GRIP1: variants seen among roughly 807,000 people sequenced by gnomAD.
GRIP1 encodes glutamate receptor-interacting protein 1.
A neutral mutation model predicts 129.9 loss-of-function variants in GRIP1; 45 were observed. The ratio of observed to expected loss-of-function variants is 0.35; its 90% CI spans 0.27 to 0.44. The LOEUF (loss-of-function observed/expected upper bound fraction) is 0.44. Among genes scored for constraint, GRIP1 ranks in the 20% least tolerant of loss-of-function variants. The pLI is 1.00. For synonymous variants in GRIP1, 530 were observed against 520.8 expected, an observed-to-expected ratio of 1.02 and a Z score of -0.24; for missense variants, 1,196 against 1,396.8, an observed-to-expected ratio of 0.86 and a Z score of 2.29.
At chr12:66,778,428 A>G (rs1282895417) in intron 1 of GRIP1, among the ~76,000 whole-genome samples, 1 of 152,168 alleles carries the variant, frequency 6.6e-6, no homozygotes, top group African/African-American at 2.4e-5. Flanking sequence ...CTACAATATT[A>G]TAGTGGAAAT....
intron 1 of GRIP1, among the ~76,000 whole-genome samples, chr12:66,703,930 C>T (rs1043277336): frequency 6.6e-6 from 1 of 151,522 alleles, no homozygotes; most frequent in Non-Finnish European, 1.5e-5. Context: ...AAATTATACA[C>T]TTAAAAATGG....
chr12:66,428,177 A>C (rs371256647), intron 14 of GRIP1, among the ~76,000 whole-genome samples: 5 of 152,146 alleles, frequency 3.3e-5, no homozygotes, highest in Admixed American at 6.5e-5. Flanking sequence ...TTTAAAAACC[A>C]CTCATCATCA....
At chr12:66,753,333 T>C (rs1002327656) in intron 1 of GRIP1, among the ~76,000 whole-genome samples, 1 of 151,980 alleles carries the variant, frequency 6.6e-6, no homozygotes, top group African/African-American at 2.4e-5. Context: ...ATGGAAGGAA[T>C]GGGGCCACTT....
chr12:66,432,408 G>A, intron 14 of GRIP1, 140 bp downstream of exon 14: 1 of 617,120 alleles, frequency 1.6e-6, no homozygotes, highest in Non-Finnish European at 2.9e-6. Flanking sequence ...TGCTGGAGGT[G>A]TGACTGACTC....
intron 1 of GRIP1, among the ~76,000 whole-genome samples, chr12:66,674,429 T>C (rs2034229122): frequency 2.0e-5 from 3 of 152,194 alleles, no homozygotes; most frequent in Non-Finnish European, 4.4e-5. Flanking sequence ...TTTTTCCTCT[T>C]CCATTAAGAC....
intron 17 of GRIP1, 74 bp from the exon 18 acceptor site, chr12:66,392,890 C>G: frequency 7.4e-7 from 1 of 1,358,562 alleles, no homozygotes; most frequent in Non-Finnish European, 1.1e-6. Flanking sequence ...CCCTGACATA[C>G]CTTATACATT....
intron 1 of GRIP1, among the ~76,000 whole-genome samples, chr12:66,854,974 G>C (rs2039978104): frequency 6.6e-6 from 1 of 151,892 alleles, no homozygotes; most frequent in South Asian, 2.1e-4. Context: ...GTCCATCTTT[G>C]TCAACATCAT....
At chr12:66,883,516 C>A (rs146353144) in intron 1 of GRIP1, among the ~76,000 whole-genome samples, 10 of 152,216 alleles carry the variant, frequency 6.6e-5, no homozygotes, top group African/African-American at 2.4e-4. Context: ...GGAAGGCTGC[C>A]CCTTCTGAGT....
intron 1 of GRIP1, among the ~76,000 whole-genome samples, chr12:66,755,506 A>G (rs1186820487): frequency 2.0e-5 from 3 of 152,246 alleles, no homozygotes; most frequent in Admixed American, 1.3e-4. Flanking sequence ...ACAAAAAAGG[A>G]TAGCAGTGTG....
intron 1 of GRIP1, among the ~76,000 whole-genome samples, chr12:67,014,448 T>C (rs1177609962): frequency 1.3e-5 from 2 of 152,010 alleles, no homozygotes; most frequent in African/African-American, 4.8e-5. Flanking sequence ...ATGTAGAAAA[T>C]GTATTTTAAA....
At chr12:66,692,400 A>G (rs2035012341) in intron 1 of GRIP1, among the ~76,000 whole-genome samples, 1 of 152,226 alleles carries the variant, frequency 6.6e-6, no homozygotes, top group Non-Finnish European at 1.5e-5. Flanking sequence ...CACTGCGTCT[A>G]CATGGCATCT....
At chr12:66,499,479 A>G (rs939669975) in intron 7 of GRIP1, among the ~76,000 whole-genome samples, 1 of 152,208 alleles carries the variant, frequency 6.6e-6, no homozygotes, top group Non-Finnish European at 1.5e-5. Context: ...CAACCAATAA[A>G]CAAATAATAT....
intron 4 of GRIP1, among the ~76,000 whole-genome samples, chr12:66,537,254 A>G (rs547041906): frequency 2.0e-5 from 3 of 152,310 alleles, no homozygotes; most frequent in Admixed American, 2.0e-4. Context: ...AAGACATAGA[A>G]AGTGTAAGTA....
At chr12:66,929,099 G>A (rs1196991820) in intron 1 of GRIP1, among the ~76,000 whole-genome samples, 3 of 152,214 alleles carry the variant, frequency 2.0e-5, no homozygotes, top group Non-Finnish European at 4.4e-5. Flanking sequence ...CTCTCCAAAT[G>A]CTTCTTCCAG....
At chr12:66,576,517 C>T (rs1473126024) in intron 2 of GRIP1, among the ~76,000 whole-genome samples, 1 of 152,216 alleles carries the variant, frequency 6.6e-6, no homozygotes, top group Non-Finnish European at 1.5e-5. Flanking sequence ...GAGCTGTGTA[C>T]ATAGCTGAAA....
At chr12:66,845,684 G>C (rs1436355313) in intron 1 of GRIP1, among the ~76,000 whole-genome samples, 1 of 152,020 alleles carries the variant, frequency 6.6e-6, no homozygotes, top group Non-Finnish European at 1.5e-5. Context: ...AATAATGTTG[G>C]ACTAATCTTT....
chr12:66,981,675 T>G (rs2042244205), intron 1 of GRIP1, among the ~76,000 whole-genome samples: 1 of 152,190 alleles, frequency 6.6e-6, no homozygotes, highest in African/African-American at 2.4e-5. Context: ...AAAGACAGTT[T>G]ATAAAGATAA....
intron 1 of GRIP1, among the ~76,000 whole-genome samples, chr12:66,721,531 T>C (rs1439998743): frequency 6.6e-6 from 1 of 152,160 alleles, no homozygotes; most frequent in African/African-American, 2.4e-5. Context: ...CACCTCAGCC[T>C]TCCAAAGTGC....
At chr12:66,823,475 G>A (rs1372013379) in intron 1 of GRIP1, among the ~76,000 whole-genome samples, 1 of 152,024 alleles carries the variant, frequency 6.6e-6, no homozygotes, top group African/African-American at 2.4e-5. Flanking sequence ...AATGATCAAT[G>A]ATCATTTACA....
Sources: gnomAD v4.1 joint callset for allele counts (sites outside exome capture counted in the v4.1 genomes callset) on GRCh38, gnomAD v4.1.1 for gene constraint, MANE v1.5 for transcripts, NCBI Gene and HGNC (gene_info 2026-07-23, HGNC 2026-07-21) for gene names.